Variants in WASHC4 observed in about 807,000 individuals in gnomAD.
The protein encoded by WASHC4 is WASH complex subunit 7.
A neutral mutation model predicts 166.6 loss-of-function variants in WASHC4; 86 were observed. The observed-to-expected ratio is 0.52, with a 90% CI of 0.43 to 0.62. The LOEUF is 0.62. WASHC4 is among the 20% of genes least tolerant of loss of function. WASHC4 has a pLI of 0.00. For missense variants in WASHC4, 1,262 were observed against 1,382.4 expected, an observed-to-expected ratio of 0.91 and a Z score of 1.38; for synonymous variants, 446 against 451.6, an observed-to-expected ratio of 0.99 and a Z score of 0.16.
In WASHC4 at chr12:105,147,081, A is replaced by T; in HGVS notation, c.2449A>T (p.Thr817Ser). The change falls in exon 24 of 33, where the codon ACT becomes TCT. Residue 817 changes from threonine to serine, a missense_variant. Thr to Ser is a moderately conservative substitution (Grantham distance 58). Coordinates refer to ENST00000332180, the MANE Select transcript of WASHC4 (RefSeq NM_015275.3). ...AACAAGCAATAACAAGCATTTGAATACTATTAATATTCGGCATATTGCTAA... is the reference window on the plus strand; with the variant it reads ...AACAAGCAATAACAAGCATTTGAATTCTATTAATATTCGGCATATTGCTAA... Reference protein sequence around the residue: ...ERTSNNKHLNTINIRHIANSI... With the variant: ...ERTSNNKHLNSINIRHIANSI... The T allele has an allele frequency of 6.2e-7, 1 of 1,611,086 alleles. No homozygotes were observed. Among genetic ancestry groups the T allele is most frequent in the Non-Finnish European group, 8.5e-7 (1 of 1,177,244 alleles).
intron 10 of WASHC4, among the ~76,000 whole-genome samples, chr12:105,122,983 G>A (rs1334703761): frequency 2.0e-5 from 3 of 152,134 alleles, no homozygotes; most frequent in Non-Finnish European, 4.4e-5. Context: ...TTAATCAAAA[G>A]CTAGACATGG....
At position 105,144,769 on chromosome 12, in the gene WASHC4, C is replaced by A; in HGVS notation, c.2231C>A (p.Ala744Asp). 6.2e-7 allele frequency: 1 copy of A among 1,612,572 alleles called. No homozygotes were observed. The highest frequency in any genetic ancestry group is 8.5e-7 in the Non-Finnish European group (1 of 1,179,060). Residue 744 changes from alanine (A) to aspartate (D), a missense_variant, in exon 22 of 33, where the codon GCC becomes GAC. By Grantham distance (126) the Ala-to-Asp change is moderately radical (BLOSUM62 -2). Transcript: ENST00000332180. ...DKTFYNLTTVALHDWATYSEM... is the reference protein window; with the variant it reads ...DKTFYNLTTVDLHDWATYSEM... ...ACTTTCTACAATCTAACAACTGTAG[C>A]CCTTCATGACTGGGCCACTTATAGT... is the stretch of plus-strand genomic sequence containing the variant.
chr12:105,148,196 C>T, intron 24 of WASHC4: 1 of 985,100 alleles, frequency 1.0e-6, no homozygotes, highest in African/African-American at 1.7e-5. Flanking sequence ...ATGATTGGAG[C>T]TCCATTATAG....
intron 16 of WASHC4, 26 bp downstream of exon 16, chr12:105,140,427 AT>A: frequency 6.8e-7 from 1 of 1,462,540 alleles, no homozygotes; most frequent in Non-Finnish European, 9.6e-7. Context: ...TGTATTTAGC[AT>A]AAGTATGTTA....
chr12:105,144,663 T>G (rs1291690261), intron 21 of WASHC4, 55 bp from the exon 22 acceptor site: 7 of 1,501,010 alleles, frequency 4.7e-6, no homozygotes, highest in Non-Finnish European at 6.4e-6. Context: ...CCTTTTAGGT[T>G]TCATTTCTTT....
chr12:105,126,530 CGT>C (rs1881302693), intron 12 of WASHC4, among the ~76,000 whole-genome samples, 168 bp downstream of exon 12: 1 of 151,944 alleles, frequency 6.6e-6, no homozygotes, highest in Non-Finnish European at 1.5e-5. Context: ...GAAAATACGT[CGT>C]ATTTCTACAT....
intron 22 of WASHC4, 82 bp downstream of exon 22, chr12:105,144,954 CT>C: frequency 7.3e-7 from 1 of 1,360,928 alleles, no homozygotes; most frequent in Non-Finnish European, 1.0e-6. Flanking sequence ...TTTCTTTTTG[CT>C]TTAGTTAGTA....
intron 14 of WASHC4, among the ~76,000 whole-genome samples, chr12:105,137,185 T>TGTTTC (rs199581128): frequency 6.6e-6 from 1 of 151,586 alleles, no homozygotes; most frequent in East Asian, 1.9e-4. Context: ...CCTTTTTTCC[T>TGTTTC]TTATTCCACT....
chr12:105,139,758 A>G (rs1011835701), intron 15 of WASHC4, among the ~76,000 whole-genome samples: 1 of 151,858 alleles, frequency 6.6e-6, no homozygotes, highest in Non-Finnish European at 1.5e-5. Context: ...CCTGAACATT[A>G]GTCACTTGTA....
At chr12:105,159,571 A>T (rs898492907) in intron 28 of WASHC4, among the ~76,000 whole-genome samples, 8 of 152,176 alleles carry the variant, frequency 5.3e-5, no homozygotes, top group Admixed American at 3.3e-4. Context: ...GCTGTACATG[A>T]GGGATGCAGG....
chr12:105,129,328 G>A (rs1011071851), intron 13 of WASHC4, among the ~76,000 whole-genome samples: 1 of 152,090 alleles, frequency 6.6e-6, no homozygotes, highest in South Asian at 2.1e-4. Flanking sequence ...CAGGTGATCC[G>A]CCACCTCGGC....
rs908342938 is a variant in WASHC4, at chr12:105,111,832, C to T, written c.201+568C>T. On this transcript the variant is annotated intron_variant, in intron 2 of 32. Coordinates refer to ENST00000332180, the MANE Select transcript of WASHC4 (RefSeq NM_015275.3). Reference sequence around the variant, plus strand: ...AAAATAATTTACATTTTATTGAGCACTTGTGTATTACACACTGTCCTAAGT... The same window carrying T: ...AAAATAATTTACATTTTATTGAGCATTTGTGTATTACACACTGTCCTAAGT... Among the ~76,000 whole-genome samples the T allele has an allele frequency of 8.5e-5, 13 of 152,240 alleles. No individual in the cohort carries two copies. In the East Asian group the frequency reaches 9.6e-4, roughly 11 times the overall value.
intron 22 of WASHC4, among the ~76,000 whole-genome samples, chr12:105,145,268 A>G (rs1391836617): frequency 1.3e-5 from 2 of 152,000 alleles, no homozygotes; most frequent in African/African-American, 4.8e-5. Flanking sequence ...TTAAATTTAC[A>G]TGATTACAAA....
chr12:105,118,377 T>TA (rs1169628079), intron 6 of WASHC4, 69 bp from the exon 7 acceptor site: 1 of 1,115,030 alleles, frequency 9.0e-7, no homozygotes, highest in Non-Finnish European at 1.4e-6. Context: ...GTTGTTACCA[T>TA]AAAATTCAGT....
chr12:105,151,145 C>CAAAAAAAAAAAAAAAAAA (rs34655671), intron 25 of WASHC4, among the ~76,000 whole-genome samples: 1 of 60,990 alleles, frequency 1.6e-5, no homozygotes. Flanking sequence ...GACTCTGTCT[C>CAAAAAAAAAAAAAAAAAA]AAAAAAAAAA....
chr12:105,134,687 AT>A (rs1882151444), intron 14 of WASHC4, among the ~76,000 whole-genome samples: 1 of 151,326 alleles, frequency 6.6e-6, no homozygotes. Flanking sequence ...ATCTTTTTTG[AT>A]CCTTTCACTT....
At chr12:105,149,220 T>C (rs1296318810) in intron 24 of WASHC4, 2 of 985,286 alleles carry the variant, frequency 2.0e-6, no homozygotes, top group African/African-American at 3.5e-5. Flanking sequence ...TACTTTAGTA[T>C]CATTCTAGAC....
chr12:105,108,035 G>C (rs1359990515), intron 1 of WASHC4, among the ~76,000 whole-genome samples, 174 bp downstream of exon 1: 1 of 152,184 alleles, frequency 6.6e-6, no homozygotes, highest in Non-Finnish European at 1.5e-5. Flanking sequence ...TCGGGGTTGG[G>C]GTCCCAGCCA....
At position 105,126,230 on chromosome 12, in the gene WASHC4, G is replaced by T. The variant is rs757229317; in HGVS notation, c.911-5G>T. ...CTGCTTTCTCTTATGTTATTGATTT[G>T]TAAGGAGAACCTTCTGAAATTGACC... On this transcript the variant is annotated splice_polypyrimidine_tract_variant and splice_region_variant and intron_variant, in intron 11 of 32. Transcript: ENST00000332180. 1 of 1,612,454 alleles carries T rather than the reference G, an allele frequency of 6.2e-7. No homozygotes were observed.
Sources: allele counts gnomAD v4.1 joint callset (sites outside exome capture counted in the v4.1 genomes callset), GRCh38; gene constraint gnomAD v4.1.1; transcripts MANE v1.5; gene names NCBI Gene and HGNC (gene_info 2026-07-23, HGNC 2026-07-21).